SAMHD1: variants seen among roughly 807,000 people sequenced by gnomAD.
The protein encoded by SAMHD1 is deoxynucleoside triphosphate triphosphohydrolase SAMHD1.
In SAMHD1, 54 loss-of-function variants were observed where a neutral mutation model predicts 79.6. That is an observed-to-expected ratio of 0.68 (90% CI 0.55 to 0.85). SAMHD1 has a LOEUF of 0.85. Ranked by LOEUF, SAMHD1 falls within the 40% of genes least tolerant of loss-of-function variation. The probability of loss-of-function intolerance (pLI) is 0.00; values close to 1 mark genes in which losing one functional copy is unlikely to be tolerated. For synonymous variants in SAMHD1, 260 were observed against 264.1 expected (o/e 0.98, Z 0.15); for missense variants, 663 against 782.7 (o/e 0.85, Z 1.82).
Position 36,900,434 on chromosome 20 carries a change from C to T in SAMHD1, c.1504-1890G>A, listed in dbSNP as rs202230515. Among the ~76,000 whole-genome samples, 11 of 151,824 alleles carry T rather than the reference C, an allele frequency of 7.2e-5. No individual in the cohort carries two copies. The East Asian group carries it at 7.8e-4, about 11-fold the overall frequency. ...CTAATTTTTGTATTTTTAGTAGAGA[C>T]GGGGTTTCACCATGTTGACCAGGCT... is the stretch of plus-strand genomic sequence containing the variant. On this transcript the variant is annotated intron_variant, in intron 13 of 15. Transcript: ENST00000646673.
At chr20:36,893,199 A>T in intron 15 of SAMHD1, 133 bp from the exon 16 acceptor site, 1 of 1,118,646 alleles carries the variant, frequency 8.9e-7, no homozygotes, top group Non-Finnish European at 1.3e-6. Flanking sequence ...CAATCCAGGG[A>T]AACTCCAAAT....
rs766636747 is a variant in SAMHD1 at position 36,904,142 on chromosome 20, G to T, written c.1503+15C>A. On this transcript the variant is annotated intron_variant, in intron 13 of 15. Coordinates refer to ENST00000646673, the MANE Select transcript of SAMHD1 (RefSeq NM_015474.4). ...AAACGTATTCACTCAGTTTATTACT[G>T]GGCTAATTACTTACATCCACTATAA... 6.5e-7 allele frequency: 1 copy of T among 1,537,144 alleles called. No homozygotes were observed. Among genetic ancestry groups the T allele is most frequent in the Non-Finnish European group, 9.0e-7 (1 of 1,110,100 alleles).
At chr20:36,949,825 C>A (rs2063721559) in intron 1 of SAMHD1, among the ~76,000 whole-genome samples, 1 of 148,350 alleles carries the variant, frequency 6.7e-6, no homozygotes, top group Non-Finnish European at 1.5e-5. Flanking sequence ...AAAGGACGGG[C>A]AAGCAGAAAT....
chr20:36,902,986 G>A (rs1442896693), intron 13 of SAMHD1, among the ~76,000 whole-genome samples: 7 of 151,914 alleles, frequency 4.6e-5, no homozygotes, highest in African/African-American at 1.7e-4. Flanking sequence ...TGATTCACTC[G>A]CCTTGGCCTC....
chr20:36,939,075 CA>C (rs1178988134), intron 3 of SAMHD1, among the ~76,000 whole-genome samples: 6,983 of 22,340 alleles, frequency 0.31, 365 homozygotes, highest in East Asian at 0.41. Flanking sequence ...CTAAAAATAC[CA>C]AAAAAAAAAA....
At chr20:36,898,810 A>G (rs542935547) in intron 13 of SAMHD1, among the ~76,000 whole-genome samples, 5 of 151,110 alleles carry the variant, frequency 3.3e-5, no homozygotes, top group East Asian at 3.9e-4. Flanking sequence ...TACTCGGGAG[A>G]CTGAGGCAGG....
rs1555830173 is a variant in SAMHD1 at position 36,890,396 on chromosome 20, C to CTTTCTTTCTTTCTTTCTT, written c.*2535_*2536insAAGAAAGAAAGAAAGAAA. On this transcript the variant is annotated 3_prime_UTR_variant, in exon 16 of 16. Transcript: ENST00000646673. The stretch of plus-strand genomic sequence containing the variant: ...ATACAAATAGCAAAGATATTTCTTT[C>CTTTCTTTCTTTCTTTCTT]TCTTTCTTTCTTTCTTTCTTTCTTT... 9 of 142,550 alleles carry CTTTCTTTCTTTCTTTCTT rather than the reference C, an allele frequency of 6.3e-5. No homozygotes were observed. The highest frequency in any genetic ancestry group is 1.5e-4 in the African/African-American group (6 of 38,884). 8.8% of individuals were successfully genotyped at this position (142,550 alleles called of 1,614,324 possible).
chr20:36,917,022 T>C lies in SAMHD1; in HGVS notation c.880A>G (p.Lys294Glu). The C allele has an allele frequency of 6.2e-7, 1 of 1,613,992 alleles. No homozygotes were observed. Among genetic ancestry groups the C allele is most frequent in the Non-Finnish European group, 8.5e-7 (1 of 1,179,866 alleles). ...LWPYKGRPEN[K>E]SFLYEIVSNK... Reference sequence around the variant, plus strand: ...GATACTATCTCATAAAGGAAGCTTTTGTTTTCAGGACGCCCTTTATATGGC... The same window carrying C: ...GATACTATCTCATAAAGGAAGCTTTCGTTTTCAGGACGCCCTTTATATGGC... The change falls in exon 8 of 16, where the codon AAA becomes GAA. Residue 294 changes from lysine (K) to glutamate (E), a missense_variant. Coordinates refer to ENST00000646673, the MANE Select transcript of SAMHD1 (RefSeq NM_015474.4).
chr20:36,920,086 A>G (rs2063496014), intron 6 of SAMHD1, among the ~76,000 whole-genome samples: 1 of 152,180 alleles, frequency 6.6e-6, no homozygotes, highest in African/African-American at 2.4e-5. Flanking sequence ...ACTCAAGATG[A>G]AAAACAAAAC....
At chr20:36,904,272 T>C (rs771010207) in intron 12 of SAMHD1, 23 bp from the exon 13 acceptor site, 19 of 1,500,576 alleles carry the variant, frequency 1.3e-5, no homozygotes, top group Non-Finnish European at 1.7e-5. Context: ...AGACTCCCCA[T>C]GTTAGAATCC....
intron 6 of SAMHD1, chr20:36,926,865 A>G (rs2063539534): frequency 3.6e-6 from 1 of 280,478 alleles, no homozygotes; most frequent in Admixed American, 4.9e-5. Flanking sequence ...AATGGAGCAG[A>G]AGGAGTATTA....
At position 36,892,773 on chromosome 20, in the gene SAMHD1, CTTATTTCTT is replaced by C. The variant is rs1990107108; in HGVS notation, c.*150_*158del. 7 of 912,544 alleles carry C rather than the reference CTTATTTCTT, an allele frequency of 7.7e-6. No homozygotes were observed. The highest frequency in any genetic ancestry group is 1.3e-5 in the Non-Finnish European group (7 of 553,598). 56.5% of individuals were successfully genotyped at this position (912,544 alleles called of 1,614,324 possible). ...TATAGTAAGATTTGCCTAATACCAT[CTTATTTCTT>C]TGATTAAAAGTTACTTAGCTTCAGC... On this transcript the variant is annotated 3_prime_UTR_variant, in exon 16 of 16. Transcript: ENST00000646673.
chr20:36,917,108 CA>C, intron 7 of SAMHD1, 59 bp from the exon 8 acceptor site: 1 of 1,049,872 alleles, frequency 9.5e-7, no homozygotes, highest in East Asian at 2.4e-5. Flanking sequence ...TATTTATAAA[CA>C]AAGCAAAGCA....
At chr20:36,920,745 C>G (rs1355129408) in intron 6 of SAMHD1, among the ~76,000 whole-genome samples, 1 of 140,114 alleles carries the variant, frequency 7.1e-6, no homozygotes, top group African/African-American at 2.7e-5. Context: ...GGGTGGGCAA[C>G]AAAGTGACAC....
chr20:36,918,356 C>T (rs186884662), intron 7 of SAMHD1, among the ~76,000 whole-genome samples: 11 of 151,738 alleles, frequency 7.2e-5, no homozygotes, highest in South Asian at 2.1e-4. Context: ...TGGTGGCTCA[C>T]GCCTGCAATC....
At position 36,893,019 on chromosome 20, in the gene SAMHD1, C is replaced by G. The variant is rs1278359420; in HGVS notation, c.1794G>C (p.Trp598Cys). Residue 598 changes from tryptophan to cysteine, a missense_variant, in exon 16 of 16, where the codon TGG becomes TGC. Transcript: ENST00000646673. ...GATTTTGGACTGAAGTACTGTCGTT[C>G]CATTCCTTTTTTTGAGGTGTTATGA... Reference protein sequence around the residue: ...APLITPQKKEWNDSTSVQNPT... With the variant: ...APLITPQKKECNDSTSVQNPT... 1 of 1,613,814 alleles carries G rather than the reference C, an allele frequency of 6.2e-7. No homozygotes were observed. The highest frequency in any genetic ancestry group is 1.1e-5 in the South Asian group (1 of 91,044).
intron 7 of SAMHD1, chr20:36,917,286 A>T (rs2063481783): frequency 2.0e-6 from 1 of 504,476 alleles, no homozygotes; most frequent in Non-Finnish European, 3.6e-6. Context: ...TGTGCCACTG[A>T]AAAGATCTGA....
At chr20:36,946,076 A>G (rs758643669) in intron 2 of SAMHD1, among the ~76,000 whole-genome samples, 14 of 152,036 alleles carry the variant, frequency 9.2e-5, no homozygotes, top group Non-Finnish European at 1.5e-4. Context: ...TGAGGCCAAG[A>G]GTTCAAGACC....
chr20:36,904,295 G>C, intron 12 of SAMHD1, 46 bp from the exon 13 acceptor site: 1 of 1,313,366 alleles, frequency 7.6e-7, no homozygotes, highest in South Asian at 1.2e-5. Context: ...TTTTCATCAA[G>C]TCTTTGAGCC....
Sources: allele counts gnomAD v4.1 joint callset (sites outside exome capture counted in the v4.1 genomes callset), GRCh38; gene constraint gnomAD v4.1.1; transcripts MANE v1.5; gene names NCBI Gene and HGNC (gene_info 2026-07-23, HGNC 2026-07-21).